Variants in FNDC1 observed in about 807,000 individuals in gnomAD.
FNDC1 encodes fibronectin type III domain-containing protein 1.
FNDC1 carries 96 observed loss-of-function variants against 168.0 expected under a neutral mutation model. The ratio of observed to expected loss-of-function variants is 0.57; its 90% CI spans 0.48 to 0.68. The LOEUF is 0.68. FNDC1 is among the 30% of genes least tolerant of loss of function. The pLI, the probability that FNDC1 is intolerant of heterozygous loss-of-function variation, is 0.00. For synonymous variants in FNDC1, 1,099 were observed against 1,025.9 expected, an observed-to-expected ratio of 1.07 and a Z score of -1.36; for missense variants, 2,587 against 2,482.1, an observed-to-expected ratio of 1.04 and a Z score of -0.90.
rs1446843519 is a variant in FNDC1, at chr6:159,195,621, A to AATTATTCTGTGC, written c.110-1809_110-1798dup. 3.9e-5 allele frequency among the ~76,000 whole-genome samples: 6 copies of AATTATTCTGTGC among 152,154 alleles called. No individual in the cohort carries two copies. In the East Asian group the frequency reaches 1.2e-3, roughly 29 times the overall value. ...GTGTAGCTGTGTGACTCAGCACAGAAATTATTCTGTGCTGTGTCCAACGAC... is the reference window on the plus strand; with the variant it reads ...GTGTAGCTGTGTGACTCAGCACAGAAATTATTCTGTGCATTATTCTGTGCTGTGTCCAACGAC... On this transcript the variant is annotated intron_variant, in intron 1 of 22. Transcript: ENST00000297267.
Position 159,271,415 on chromosome 6 carries a change from T to C in FNDC1, c.5658T>C (p.Cys1886=). 6.2e-7 allele frequency: 1 copy of C among 1,611,026 alleles called. No homozygotes were observed. The highest frequency in any genetic ancestry group is 1.7e-5 in the Admixed American group (1 of 59,706). ...ACTACTATGTGGGCTGGTACGAGTG[T>C]GGGGTCTCCATCCCTGGAAAGTGGT... The part of the protein sequence containing the change: ...TPYYYVGWYE[C]GVSIPGKW The change falls in exon 23 of 23, where the codon TGT becomes TGC. Residue 1886 remains cysteine, a synonymous_variant. Transcript: ENST00000297267.
chr6:159,202,866 A>G (rs1479952630), intron 4 of FNDC1, among the ~76,000 whole-genome samples: 1 of 152,250 alleles, frequency 6.6e-6, no homozygotes, highest in Non-Finnish European at 1.5e-5. Flanking sequence ...ATAATCTATT[A>G]ATTTGCTGGG....
At chr6:159,173,014 T>C (rs182689886) in intron 1 of FNDC1, among the ~76,000 whole-genome samples, 337 of 152,368 alleles carry the variant, frequency 2.2e-3, no homozygotes, top group African/African-American at 7.8e-3. Flanking sequence ...TATTTGTATG[T>C]CAACATGTAA....
chr6:159,250,674 C>T (rs770059521), intron 16 of FNDC1, among the ~76,000 whole-genome samples: 20 of 152,288 alleles, frequency 1.3e-4, no homozygotes, highest in Non-Finnish European at 2.2e-4. Context: ...CTCCCAGGAC[C>T]ATGTATCCCC....
chr6:159,225,431 C>G, intron 7 of FNDC1, 104 bp from the exon 8 acceptor site: 1 of 891,066 alleles, frequency 1.1e-6, no homozygotes, highest in Non-Finnish European at 1.6e-6. Flanking sequence ...GATTTTCTTA[C>G]TTACCTCCCA....
At chr6:159,185,962 G>A (rs1424613546) in intron 1 of FNDC1, among the ~76,000 whole-genome samples, 2 of 152,208 alleles carry the variant, frequency 1.3e-5, no homozygotes, top group Non-Finnish European at 2.9e-5. Flanking sequence ...TTATATATTA[G>A]TTGGGAAACT....
At chr6:159,224,561 T>C (rs1782912510) in intron 7 of FNDC1, among the ~76,000 whole-genome samples, 4 of 152,208 alleles carry the variant, frequency 2.6e-5, no homozygotes, top group Admixed American at 2.6e-4. Flanking sequence ...TAGCTGCTTT[T>C]TTTTGAAAGA....
intron 4 of FNDC1, among the ~76,000 whole-genome samples, chr6:159,201,711 G>A (rs1420019782): frequency 6.6e-6 from 1 of 152,186 alleles, no homozygotes; most frequent in Non-Finnish European, 1.5e-5. Flanking sequence ...TGCAAAAGAA[G>A]AAAAGGTGTT....
At chr6:159,201,909 C>T (rs891802232) in intron 4 of FNDC1, among the ~76,000 whole-genome samples, 10 of 152,136 alleles carry the variant, frequency 6.6e-5, no homozygotes, top group African/African-American at 2.2e-4. Flanking sequence ...GATTTTCTTG[C>T]TTTTTCAGAA....
At chr6:159,251,179 A>T in intron 16 of FNDC1, 123 bp from the exon 17 acceptor site, 2 of 690,486 alleles carry the variant, frequency 2.9e-6, no homozygotes, top group East Asian at 2.7e-5. Flanking sequence ...ATCAAGGCTG[A>T]TGGAGCCTCC....
chr6:159,254,847 G>A (rs567644049), intron 17 of FNDC1, among the ~76,000 whole-genome samples: 1 of 152,110 alleles, frequency 6.6e-6, no homozygotes, highest in South Asian at 2.1e-4. Flanking sequence ...AGCCTTAGAA[G>A]CATCTTCAAG....
chr6:159,200,004 G>C lies in FNDC1; in HGVS notation c.313G>C (p.Val105Leu). 1 of 1,604,640 alleles carries C rather than the reference G, an allele frequency of 6.2e-7. No homozygotes were observed. The highest frequency in any genetic ancestry group is 1.1e-5 in the South Asian group (1 of 88,722). Reference sequence around the variant, plus strand: ...TGAACCGTATGTTTCAGAGCCGGGGGTAGTGTACTTTGTGCTGCTTACTGC... The same window carrying C: ...TGAACCGTATGTTTCAGAGCCGGGGCTAGTGTACTTTGTGCTGCTTACTGC... ...SFLIEDVEPG[V>L]VYFVLLTAEN... Residue 105 changes from valine (V) to leucine (L), a missense_variant, in exon 3 of 23, where the codon GTA becomes CTA. Coordinates refer to ENST00000297267, the MANE Select transcript of FNDC1 (RefSeq NM_032532.3).
At chr6:159,186,945 G>T (rs1245794829) in intron 1 of FNDC1, among the ~76,000 whole-genome samples, 1 of 152,210 alleles carries the variant, frequency 6.6e-6, no homozygotes, top group East Asian at 1.9e-4. Context: ...TGAAAGTTTG[G>T]CCTTTTTGTC....
chr6:159,225,809 A>C, intron 8 of FNDC1, 87 bp downstream of exon 8: 1 of 1,246,366 alleles, frequency 8.0e-7, no homozygotes. Context: ...GCCAATAGTG[A>C]CAAAGGCCAG....
In FNDC1 at chr6:159,266,223, C is replaced by G; in HGVS notation, c.5424C>G (p.Ile1808Met). Reference sequence around the variant, plus strand: ...TTTGTAATTCACTGAGGTATAAAATCTACCTCAGTGACAACCTGAAAGGTA... The same window carrying G: ...TTTGTAATTCACTGAGGTATAAAATGTACCTCAGTGACAACCTGAAAGGTA... Reference protein sequence around the residue: ...VVLCNSLRYKIYLSDNLKDTF... With the variant: ...VVLCNSLRYKMYLSDNLKDTF... The change falls in exon 21 of 23, where the codon ATC becomes ATG. Residue 1808 changes from isoleucine to methionine, a missense_variant. Coordinates refer to ENST00000297267, the MANE Select transcript of FNDC1 (RefSeq NM_032532.3). The G allele has an allele frequency of 6.2e-7, 1 of 1,613,908 alleles. No individual in the cohort carries two copies. Among genetic ancestry groups the G allele is most frequent in the Non-Finnish European group, 8.5e-7 (1 of 1,179,832 alleles).
chr6:159,193,789 G>A (rs1782187072), intron 1 of FNDC1, among the ~76,000 whole-genome samples: 1 of 152,232 alleles, frequency 6.6e-6, no homozygotes, highest in Non-Finnish European at 1.5e-5. Flanking sequence ...TCTTGGATAA[G>A]TTCTGGAGTT....
intron 4 of FNDC1, among the ~76,000 whole-genome samples, chr6:159,212,960 G>A (rs922828357): frequency 6.6e-6 from 1 of 152,208 alleles, no homozygotes; most frequent in Admixed American, 6.5e-5. Flanking sequence ...CTGTCTGTCA[G>A]CTACTACTTC....
At chr6:159,225,480 C>T in intron 7 of FNDC1, 55 bp from the exon 8 acceptor site, 1 of 1,408,290 alleles carries the variant, frequency 7.1e-7, no homozygotes, top group South Asian at 1.6e-5. Context: ...AGCGAGGCAT[C>T]TAGTGTTGAG....
rs780611732 is a variant in FNDC1 at position 159,221,609 on chromosome 6, G to A, written c.679G>A (p.Val227Met). The A allele has an allele frequency of 6.8e-6, 11 of 1,613,758 alleles. No individual in the cohort carries two copies. Among genetic ancestry groups the A allele is most frequent in the Admixed American group, 3.3e-5 (2 of 60,010 alleles). ...HEIKKLASESVYVVSLQSMNS... is the reference protein window; with the variant it reads ...HEIKKLASESMYVVSLQSMNS... ...TCCCTGGTCCACAGCCTCGGAATCC[G>A]TGTATGTGGTCTCCCTGCAGTCCAT... Residue 227 changes from valine to methionine, a missense_variant, in exon 6 of 23, where the codon GTG (valine) becomes ATG (methionine). Coordinates refer to ENST00000297267, the MANE Select transcript of FNDC1 (RefSeq NM_032532.3).
Sources: gnomAD v4.1 joint callset for allele counts (sites outside exome capture counted in the v4.1 genomes callset) on GRCh38, gnomAD v4.1.1 for gene constraint, MANE v1.5 for transcripts, NCBI Gene and HGNC (gene_info 2026-07-23, HGNC 2026-07-21) for gene names.